KLHL1: variants seen among roughly 807,000 people sequenced by gnomAD.
KLHL1 encodes the protein kelch like family member 1.
KLHL1 carries 47 observed loss-of-function variants against 77.7 expected under a neutral mutation model. The ratio of observed to expected loss-of-function variants is 0.60; its 90% CI spans 0.48 to 0.77. KLHL1 has a LOEUF of 0.77. Among genes scored for constraint, KLHL1 ranks in the 30% least tolerant of loss-of-function variants. The pLI is 0.00. For missense variants in KLHL1, 925 were observed against 910.8 expected (o/e 1.02, Z -0.20); for synonymous variants, 360 against 325.2 (o/e 1.11, Z -1.15).
rs201964935 is a variant in KLHL1 at position 70,042,932 on chromosome 13, G to A, written c.497+64271C>T. 2.0e-5 allele frequency among the ~76,000 whole-genome samples: 3 copies of A among 152,150 alleles called. No individual in the cohort carries two copies. In the East Asian group the frequency reaches 5.8e-4, roughly 29 times the overall value. On this transcript the variant is annotated intron_variant, in intron 1 of 10. Coordinates refer to ENST00000377844, the MANE Select transcript of KLHL1 (RefSeq NM_020866.3). ...CCCTTGTGTATATATATGAGACTGA[G>A]TCTCACTCTGTTGCCCAGGCTGGAG...
intron 7 of KLHL1, among the ~76,000 whole-genome samples, chr13:69,790,247 A>T (rs1876807520): frequency 6.7e-6 from 1 of 149,572 alleles, no homozygotes; most frequent in Admixed American, 6.6e-5. Context: ...TGGCAAAAAA[A>T]TATTAAACTC....
intron 1 of KLHL1, among the ~76,000 whole-genome samples, chr13:70,097,886 T>TG (rs1266219513): frequency 8.8e-6 from 1 of 113,912 alleles, no homozygotes; most frequent in East Asian, 3.2e-4. Context: ...ATTTCCTTTC[T>TG]GTTTTTTTTT....
chr13:69,816,452 CG>C (rs1165797143), intron 6 of KLHL1, among the ~76,000 whole-genome samples: 1 of 151,168 alleles, frequency 6.6e-6, no homozygotes, highest in Non-Finnish European at 1.5e-5. Context: ...TTAGTAGAGA[CG>C]GGGTTTCACC....
intron 4 of KLHL1, among the ~76,000 whole-genome samples, chr13:69,935,705 A>C (rs1883167485): frequency 6.6e-6 from 1 of 152,152 alleles, no homozygotes; most frequent in African/African-American, 2.4e-5. Context: ...GTTGTCAAAA[A>C]ACAGTAAGAA....
chr13:69,803,454 T>C (rs1169325469), intron 6 of KLHL1, among the ~76,000 whole-genome samples: 1 of 152,168 alleles, frequency 6.6e-6, no homozygotes, highest in Non-Finnish European at 1.5e-5. Flanking sequence ...TTAATTGCAA[T>C]TAATATATGC....
rs889832654 is a variant in KLHL1 at position 70,107,240 on chromosome 13, T to C, written c.460A>G (p.Asn154Asp). ...CCTTCACCTGTTGCCTGGCTAGAGT[T>C]GTCTGGCTCCACTTTGAGCTCTTGC... ...VLQELKVEPD[N>D]SSQATGEGCG... The change falls in exon 1 of 11, where the codon AAC becomes GAC. Residue 154 changes from asparagine to aspartate, a missense_variant. Coordinates refer to ENST00000377844, the MANE Select transcript of KLHL1 (RefSeq NM_020866.3). 1 of 1,613,652 alleles carries C rather than the reference T, an allele frequency of 6.2e-7. No homozygotes were observed. Among genetic ancestry groups the C allele is most frequent in the African/African-American group, 1.3e-5 (1 of 74,928 alleles).
At chr13:69,996,771 G>T (rs771916631) in intron 1 of KLHL1, among the ~76,000 whole-genome samples, 11 of 152,024 alleles carry the variant, frequency 7.2e-5, no homozygotes, top group Non-Finnish European at 1.5e-4. Flanking sequence ...CAGCAAGTAT[G>T]CTAGATGTCT....
intron 2 of KLHL1, 79 bp downstream of exon 2, chr13:69,975,541 A>T (rs1244636402): frequency 1.9e-5 from 23 of 1,189,550 alleles, no homozygotes; most frequent in Non-Finnish European, 2.6e-5. Flanking sequence ...GTAGTCATAT[A>T]ATATTCTGCA....
chr13:69,874,325 CATGTT>C (rs1264355939), intron 5 of KLHL1, among the ~76,000 whole-genome samples: 2 of 151,972 alleles, frequency 1.3e-5, no homozygotes, highest in African/African-American at 2.4e-5. Context: ...TTGGTGATAT[CATGTT>C]ATGTTATGTA....
chr13:69,901,820 G>A (rs78904810), intron 4 of KLHL1, among the ~76,000 whole-genome samples: 16 of 124,468 alleles, frequency 1.3e-4, no homozygotes, highest in East Asian at 4.8e-4. Flanking sequence ...TTTCTGAGAC[G>A]GAGTCTCGCT....
In KLHL1 at chr13:69,955,996, G is replaced by GAATATATTTATATATATTTGAT. The variant is rs1883861164; in HGVS notation, c.817+5311_817+5312insATCAAATATATATAAATATATT. On this transcript the variant is annotated intron_variant, in intron 3 of 10. Transcript: ENST00000377844. ...TTGATATATATTTATATATTTATTT[G>GAATATATTTATATATATTTGAT]ATATATATTTATATATATTTGATAT... is the stretch of plus-strand genomic sequence containing the variant. Among the ~76,000 whole-genome samples the GAATATATTTATATATATTTGAT allele has an allele frequency of 4.2e-5, 5 of 119,414 alleles. No individual in the cohort carries two copies. In the East Asian group the frequency reaches 1.2e-3, roughly 28 times the overall value. The allele number at this position is 119,414 out of a possible 152,430, so 78.3% of individuals were successfully genotyped here. A position where few individuals can be genotyped will look rare whatever the true frequency, so the allele number is the denominator to read the frequency against.
rs770037687 is a variant in KLHL1, at chr13:69,719,389, C to T, written c.1995G>A (p.Arg665=). 6.2e-7 allele frequency: 1 copy of T among 1,613,320 alleles called. No individual in the cohort carries two copies. The highest frequency in any genetic ancestry group is 1.1e-5 in the South Asian group (1 of 91,068). The change falls in exon 9 of 11, where the codon CGG becomes CGA. Residue 665 remains arginine (R), a synonymous_variant. Transcript: ENST00000377844. ...CTTACCTTTCTACATAATCCAGTAG[C>T]CGGGAACAGTGATTTGAAGCAGGAG... The part of the protein sequence containing the change: ...HDAPASNHCS[R]LLDYVERYDP...
chr13:69,967,533 G>A (rs1298904453), intron 2 of KLHL1, among the ~76,000 whole-genome samples: 1 of 152,146 alleles, frequency 6.6e-6, no homozygotes, highest in African/African-American at 2.4e-5. Flanking sequence ...TCTTGAGATG[G>A]TGTCTACTCC....
intron 1 of KLHL1, among the ~76,000 whole-genome samples, chr13:70,095,831 C>T (rs531805212): frequency 6.6e-6 from 1 of 151,714 alleles, no homozygotes; most frequent in Non-Finnish European, 1.5e-5. Flanking sequence ...CTCCCTCCAC[C>T]CCCCCCACCA....
chr13:69,845,104 T>C (rs981684520), intron 5 of KLHL1, among the ~76,000 whole-genome samples: 1 of 151,604 alleles, frequency 6.6e-6, no homozygotes, highest in Non-Finnish European at 1.5e-5. Context: ...AAACTGTACA[T>C]AAGCCCCACC....
intron 3 of KLHL1, among the ~76,000 whole-genome samples, chr13:69,940,808 A>G (rs1883343044): frequency 6.7e-6 from 1 of 150,040 alleles, no homozygotes; most frequent in Non-Finnish European, 1.5e-5. Context: ...AAAAAAAAAA[A>G]AAAAAAGGCT....
intron 1 of KLHL1, among the ~76,000 whole-genome samples, chr13:70,009,431 G>C (rs1356408167): frequency 2.0e-5 from 3 of 152,084 alleles, no homozygotes; most frequent in Non-Finnish European, 4.4e-5. Context: ...CTTACAAGCT[G>C]TACAAAATAT....
chr13:69,838,917 A>G, intron 6 of KLHL1, 59 bp downstream of exon 6: 1 of 1,144,082 alleles, frequency 8.7e-7, no homozygotes, highest in Non-Finnish European at 1.2e-6. Flanking sequence ...ATTACAATAT[A>G]AAAGCTGCAA....
chr13:69,730,245 T>C (rs971619925), intron 8 of KLHL1, among the ~76,000 whole-genome samples: 2 of 151,030 alleles, frequency 1.3e-5, no homozygotes, highest in Non-Finnish European at 2.9e-5. Flanking sequence ...AAAATATGGA[T>C]AAGTAATGTA....
Sources: gnomAD v4.1 joint callset for allele counts (sites outside exome capture counted in the v4.1 genomes callset) on GRCh38, gnomAD v4.1.1 for gene constraint, MANE v1.5 for transcripts, NCBI Gene and HGNC (gene_info 2026-07-23, HGNC 2026-07-21) for gene names.